GLI3: variants seen among roughly 807,000 people sequenced by gnomAD.
GLI3 encodes transcription activator GLI3.
Under a neutral mutation model 100.8 loss-of-function variants are expected in GLI3, and 20 were observed. That is an observed-to-expected ratio of 0.20 (90% CI 0.14 to 0.29). The LOEUF (loss-of-function observed/expected upper bound fraction) is 0.29. Among genes scored for constraint, GLI3 ranks in the 10% least tolerant of loss-of-function variants. The probability of loss-of-function intolerance (pLI) is 1.00; values close to 1 mark genes in which losing one functional copy is unlikely to be tolerated. For missense variants in GLI3, 2,040 were observed against 2,128.5 expected (o/e 0.96, Z 0.82); for synonymous variants, 938 against 860.5 (o/e 1.09, Z -1.58).
At chr7:42,159,910 A>G (rs566297410) in intron 2 of GLI3, among the ~76,000 whole-genome samples, 20 of 152,294 alleles carry the variant, frequency 1.3e-4, no homozygotes, top group African/African-American at 4.3e-4. Context: ...TTTTCAATTT[A>G]TTTTTTAATG....
chr7:42,153,370 C>A (rs948625560), intron 2 of GLI3, among the ~76,000 whole-genome samples: 1 of 152,218 alleles, frequency 6.6e-6, no homozygotes, highest in Non-Finnish European at 1.5e-5. Context: ...ATTAAATGAA[C>A]AATTGCGGGT....
chr7:42,118,765 C>T (rs746062357), intron 3 of GLI3, among the ~76,000 whole-genome samples: 23 of 152,196 alleles, frequency 1.5e-4, no homozygotes, highest in Non-Finnish European at 2.9e-5. Context: ...GCTTAACTTG[C>T]TCATTTGACA....
At position 42,253,996 on chromosome 7, in the gene GLI3, G is replaced by A. The variant is rs1789059657; in HGVS notation, c.-43+9998C>T. Among the ~76,000 whole-genome samples, 4 of 152,270 alleles carry A rather than the reference G, an allele frequency of 2.6e-5. No individual in the cohort carries two copies. In the South Asian group the frequency reaches 8.3e-4, roughly 32 times the overall value. ...GCGCTCTGGGAGGCCGAGGCAGGTG[G>A]ATCACATGAGGTCGGGAGTTCAAGA... On this transcript the variant is annotated intron_variant, in intron 1 of 2. Transcript: ENST00000678978.
At chr7:42,238,940 A>G (rs1241306858), upstream of GLI3, among the ~76,000 whole-genome samples, 1 of 152,198 alleles carries the variant, frequency 6.6e-6, no homozygotes, top group African/African-American at 2.4e-5. Context: ...ATGATGAGCT[A>G]TTAGAATTTG....
intron 3 of GLI3, among the ~76,000 whole-genome samples, chr7:42,141,115 G>A (rs1238131160): frequency 2.0e-5 from 3 of 152,186 alleles, no homozygotes; most frequent in Admixed American, 6.5e-5. Flanking sequence ...TGGATCAGAC[G>A]CATACTTGGA....
At position 42,148,212 on chromosome 7, in the gene GLI3, G is replaced by C. The variant is rs1786768709; in HGVS notation, c.367+14C>G. The C allele has an allele frequency of 2.5e-6, 4 of 1,603,646 alleles. No individual in the cohort carries two copies. Among genetic ancestry groups the C allele is most frequent in the South Asian group, 2.2e-5 (2 of 89,748 alleles). On this transcript the variant is annotated intron_variant, in intron 3 of 14. Transcript: ENST00000395925. The stretch of plus-strand genomic sequence containing the variant: ...ATAGCTCCTGAACAAGTGCCGACTG[G>C]CATGGGCACTTACGGTAGTGGGGCT...
rs1787024128 is a variant in GLI3, at chr7:41,961,970, A to AT, written c.*2359dup. 2 of 151,596 alleles carry AT rather than the reference A, an allele frequency of 1.3e-5. No homozygotes were observed. The highest frequency in any genetic ancestry group is 3.9e-4 in the East Asian group (2 of 5,186). 9.4% of individuals were successfully genotyped at this position (151,596 alleles called of 1,614,324 possible). A position where few individuals can be genotyped will look rare whatever the true frequency, so the allele number is the denominator to read the frequency against. ...AAAAGCAGTAGAAAGGAAAGCAAAT[A>AT]TAAAAAAAAAAAGAAATAAAAGAAG... On this transcript the variant is annotated 3_prime_UTR_variant, in exon 15 of 15. Transcript: ENST00000395925.
chr7:42,186,483 T>C (rs573933328), intron 2 of GLI3, among the ~76,000 whole-genome samples: 70 of 152,158 alleles, frequency 4.6e-4, no homozygotes, highest in African/African-American at 1.5e-3. Context: ...CAAAACAAGA[T>C]CATGTGCTCA....
At chr7:42,066,685 A>G (rs911187330) in intron 4 of GLI3, among the ~76,000 whole-genome samples, 3 of 152,198 alleles carry the variant, frequency 2.0e-5, no homozygotes, top group Non-Finnish European at 4.4e-5. Flanking sequence ...CCGTGCAGCT[A>G]TTCAATTGCG....
intron 2 of GLI3, among the ~76,000 whole-genome samples, chr7:42,199,260 C>T (rs1389838406): frequency 1.3e-5 from 2 of 152,318 alleles, no homozygotes; most frequent in South Asian, 2.1e-4. Flanking sequence ...GGCCTCTAGC[C>T]TGCTTTGGAG....
intron 1 of GLI3, among the ~76,000 whole-genome samples, chr7:42,227,149 AATG>A (rs1197181672): frequency 6.6e-6 from 1 of 152,294 alleles, no homozygotes; most frequent in East Asian, 1.9e-4. Context: ...ATGTGAATGA[AATG>A]ATACTTTTTC....
chr7:42,182,681 T>TAC (rs1554337004), intron 2 of GLI3, among the ~76,000 whole-genome samples: 1,323 of 56,710 alleles, frequency 0.023, 25 homozygotes, highest in Non-Finnish European at 0.036. Flanking sequence ...TATATATATA[T>TAC]ACACATGTGT....
chr7:41,965,563 G>A lies in GLI3; in HGVS notation c.3510C>T (p.Ala1170=), dbSNP rs773211288. The A allele has an allele frequency of 8.7e-6, 14 of 1,604,788 alleles. No individual in the cohort carries two copies. Among genetic ancestry groups the A allele is most frequent in the Admixed American group, 5.0e-5 (3 of 59,808 alleles). ...IQWNEVSSGS[A]DLSSSKLKCG... is the part of the protein sequence containing the mutation. The stretch of plus-strand genomic sequence containing the variant: ...ACTTGAGCTTGGAGGAGGACAGGTC[G>A]GCGCTTCCGGAGCTGACTTCGTTCC... The change falls in exon 15 of 15, where the codon GCC becomes GCT. Residue 1170 remains alanine (A), a synonymous_variant. Coordinates refer to ENST00000395925, the MANE Select transcript of GLI3 (RefSeq NM_000168.6).
rs749508811 is a variant in GLI3, at chr7:41,965,620, G to C, written c.3453C>G (p.Pro1151=). The C allele has an allele frequency of 2.7e-5, 43 of 1,608,630 alleles. No individual in the cohort carries two copies. Among genetic ancestry groups the C allele is most frequent in the Non-Finnish European group, 3.6e-5 (42 of 1,175,826 alleles). Residue 1151 remains proline (P), a synonymous_variant, in exon 15 of 15, where the codon CCC becomes CCG. Coordinates refer to ENST00000395925, the MANE Select transcript of GLI3 (RefSeq NM_000168.6). Reference sequence around the variant, plus strand: ...TGGGCAGGTCGGTTTTGCTGCCCTCGGGGCAGGGCTGCTCGAGGGCATGGA... The same window carrying C: ...TGGGCAGGTCGGTTTTGCTGCCCTCCGGGCAGGGCTGCTCGAGGGCATGGA... ...QQFHALEQPC[P]EGSKTDLPIQ... is the part of the protein sequence containing the mutation.
At chr7:42,066,680 C>A (rs1205498866) in intron 4 of GLI3, among the ~76,000 whole-genome samples, 1 of 152,184 alleles carries the variant, frequency 6.6e-6, no homozygotes, top group African/African-American at 2.4e-5. Context: ...CACAACCGTG[C>A]AGCTATTCAA....
intron 2 of GLI3, among the ~76,000 whole-genome samples, chr7:42,218,310 G>A (rs1788416418): frequency 6.6e-6 from 1 of 151,872 alleles, no homozygotes; most frequent in Non-Finnish European, 1.5e-5. Context: ...AAAAGTCAAG[G>A]AGACAAGAGC....
intron 2 of GLI3, among the ~76,000 whole-genome samples, chr7:42,174,452 G>A (rs895304600): frequency 2.0e-5 from 3 of 152,056 alleles, no homozygotes; most frequent in African/African-American, 4.8e-5. Context: ...AGCCAGTCCC[G>A]CGGACTCAGT....
chr7:42,120,142 C>A (rs1466609127), intron 3 of GLI3, among the ~76,000 whole-genome samples: 2 of 152,168 alleles, frequency 1.3e-5, no homozygotes, highest in Non-Finnish European at 2.9e-5. Context: ...GACATTTTGA[C>A]TTTAGCAGCC....
At chr7:42,161,147 C>T (rs989526168) in intron 2 of GLI3, among the ~76,000 whole-genome samples, 3 of 152,184 alleles carry the variant, frequency 2.0e-5, no homozygotes, top group African/African-American at 4.8e-5. Flanking sequence ...TTACTGACAA[C>T]CTGTATCCTC....
Sources: gnomAD v4.1 joint callset for allele counts (sites outside exome capture counted in the v4.1 genomes callset) on GRCh38, gnomAD v4.1.1 for gene constraint, MANE v1.5 for transcripts, NCBI Gene and HGNC (gene_info 2026-07-23, HGNC 2026-07-21) for gene names.